TACR1: variants seen among roughly 807,000 people sequenced by gnomAD.
TACR1 encodes substance-P receptor.
Under a neutral mutation model 35.8 loss-of-function variants are expected in TACR1, and 25 were observed. That is an observed-to-expected ratio of 0.70 (90% confidence interval 0.51 to 0.98). The LOEUF (loss-of-function observed/expected upper bound fraction) is 0.98, where lower values mean the gene tolerates loss of function less well. Among genes scored for constraint, TACR1 ranks in the 50% least tolerant of loss-of-function variants. The probability of loss-of-function intolerance (pLI) is 0.00; values close to 1 mark genes in which losing one functional copy is unlikely to be tolerated. For synonymous variants in TACR1, 195 were observed against 206.7 expected (o/e 0.94, Z 0.48); for missense variants, 478 against 522.9 (o/e 0.91, Z 0.84).
At chr2:75,158,372 A>G (rs1394198850) in intron 1 of TACR1, among the ~76,000 whole-genome samples, 2 of 152,176 alleles carry the variant, frequency 1.3e-5, no homozygotes, top group East Asian at 3.8e-4. Flanking sequence ...ATGTATTCCC[A>G]GTGTCTGGCT....
intron 1 of TACR1, among the ~76,000 whole-genome samples, chr2:75,192,092 T>A (rs1410251735): frequency 6.6e-6 from 1 of 152,060 alleles, no homozygotes; most frequent in Non-Finnish European, 1.5e-5. Context: ...GACAGCAAGG[T>A]CACTAGGGAG....
At chr2:75,082,076 G>A (rs113927694) in intron 2 of TACR1, among the ~76,000 whole-genome samples, 10 of 151,548 alleles carry the variant, frequency 6.6e-5, no homozygotes, top group East Asian at 1.9e-4. Context: ...CCCACTCCCC[G>A]CACCCCACAA....
intron 2 of TACR1, among the ~76,000 whole-genome samples, chr2:75,079,892 A>G (rs1475009888): frequency 6.6e-6 from 1 of 152,154 alleles, no homozygotes; most frequent in Non-Finnish European, 1.5e-5. Flanking sequence ...AGAAAGAAAG[A>G]CTGCAGGTGG....
In TACR1 at chr2:75,198,790, C is replaced by T. The variant is rs142157446; in HGVS notation, c.145G>A (p.Gly49Ser). The change falls in exon 1 of 5, where the codon GGC (glycine) becomes AGC (serine). Residue 49 changes from glycine to serine, a missense_variant. Coordinates refer to ENST00000305249, the MANE Select transcript of TACR1 (RefSeq NM_001058.4). The stretch of plus-strand genomic sequence containing the variant: ...ATGATCCACATCACTACCACGTTGC[C>T]CACCACAGAGGTCACCACAATGACC... ...YTVIVVTSVVGNVVVMWIILA... is the reference protein window; with the variant it reads ...YTVIVVTSVVSNVVVMWIILA... 3.7e-6 allele frequency: 6 copies of T among 1,614,068 alleles called. No homozygotes were observed. The African/African-American group carries it at 6.7e-5, about 18-fold the overall frequency.
chr2:75,154,414 A>ACGCGCG (rs1558572302), intron 1 of TACR1: 8 of 81,198 alleles, frequency 9.9e-5, no homozygotes, highest in African/African-American at 3.6e-4. Flanking sequence ...GCGCACGCAC[A>ACGCGCG]CACACACACA....
At chr2:75,096,517 TA>T in intron 2 of TACR1, among the ~76,000 whole-genome samples, 1 of 152,212 alleles carries the variant, frequency 6.6e-6, no homozygotes, top group East Asian at 1.9e-4. Context: ...GTATTCTTAA[TA>T]TAAGATTGGA....
chr2:75,078,380 G>T (rs527741024), intron 2 of TACR1, among the ~76,000 whole-genome samples: 2 of 152,104 alleles, frequency 1.3e-5, no homozygotes, highest in African/African-American at 4.8e-5. Context: ...CCTCCTCACA[G>T]GAGGTTGTGA....
At chr2:75,195,460 A>G (rs1047172655) in intron 1 of TACR1, among the ~76,000 whole-genome samples, 2 of 150,874 alleles carry the variant, frequency 1.3e-5, no homozygotes, top group African/African-American at 2.4e-5. Context: ...TAGAAAGACT[A>G]CAGGAAACAT....
intron 2 of TACR1, among the ~76,000 whole-genome samples, chr2:75,115,035 A>G (rs1673822349): frequency 6.6e-6 from 1 of 152,112 alleles, no homozygotes; most frequent in South Asian, 2.1e-4. Context: ...GTCAGTTAAG[A>G]GAAACCACTG....
intron 1 of TACR1, among the ~76,000 whole-genome samples, chr2:75,148,010 TGCTGC>T (rs1225064125): frequency 6.6e-6 from 1 of 151,974 alleles, no homozygotes; most frequent in African/African-American, 2.4e-5. Context: ...CCTCCCAAAG[TGCTGC>T]GATTACAGTT....
intron 1 of TACR1, among the ~76,000 whole-genome samples, chr2:75,167,572 C>G (rs1021798755): frequency 1.1e-4 from 16 of 152,248 alleles, no homozygotes; most frequent in Admixed American, 1.3e-4. Flanking sequence ...GCCAAGACAT[C>G]CTTCTGGCAC....
At chr2:75,052,781 G>T (rs1672493519) in intron 3 of TACR1, among the ~76,000 whole-genome samples, 1 of 152,068 alleles carries the variant, frequency 6.6e-6, no homozygotes, top group South Asian at 2.1e-4. Flanking sequence ...GCGTGTGTGT[G>T]TGCAAGCTTG....
chr2:75,119,340 G>A (rs1391411326), intron 2 of TACR1, among the ~76,000 whole-genome samples: 4 of 152,170 alleles, frequency 2.6e-5, no homozygotes, highest in Non-Finnish European at 4.4e-5. Flanking sequence ...AACGAGGAGA[G>A]GCTGTGACCC....
chr2:75,109,599 G>A, intron 2 of TACR1, among the ~76,000 whole-genome samples: 1 of 152,166 alleles, frequency 6.6e-6, no homozygotes, highest in East Asian at 1.9e-4. Flanking sequence ...TTTTAAACGA[G>A]ATTTGAGGCT....
chr2:75,094,593 G>C (rs1673374712), intron 2 of TACR1, among the ~76,000 whole-genome samples: 1 of 151,946 alleles, frequency 6.6e-6, no homozygotes, highest in Non-Finnish European at 1.5e-5. Context: ...GGCAGTGGTT[G>C]CATTGGTGGT....
intron 1 of TACR1, among the ~76,000 whole-genome samples, chr2:75,157,280 C>A (rs1485349633): frequency 6.6e-6 from 1 of 152,110 alleles, no homozygotes; most frequent in Non-Finnish European, 1.5e-5. Context: ...CTTTCATTTT[C>A]CTTACTACCA....
intron 2 of TACR1, among the ~76,000 whole-genome samples, chr2:75,073,664 G>T (rs1390827421): frequency 6.6e-6 from 1 of 152,210 alleles, no homozygotes; most frequent in Non-Finnish European, 1.5e-5. Flanking sequence ...GTGGGTCTGG[G>T]GGGAGGTGGG....
At position 75,182,754 on chromosome 2, in the gene TACR1, G is replaced by A. The variant is rs114079377; in HGVS notation, c.389+15792C>T. Among the ~76,000 whole-genome samples the A allele has an allele frequency of 2.6e-3, 392 of 152,192 alleles. 1 individual carries two copies. The highest frequency in any genetic ancestry group is 9.0e-3 in the African/African-American group (372 of 41,520). On this transcript the variant is annotated intron_variant, in intron 1 of 4. Coordinates refer to ENST00000305249, the MANE Select transcript of TACR1 (RefSeq NM_001058.4). ...ATTCTATATATAGCCCAAGTGTATC[G>A]TAGGCTATACCATCTAGATTTGTGT...
At chr2:75,085,252 C>T (rs1434757113) in intron 2 of TACR1, among the ~76,000 whole-genome samples, 1 of 152,046 alleles carries the variant, frequency 6.6e-6, no homozygotes, top group Non-Finnish European at 1.5e-5. Flanking sequence ...TTACTCCAAC[C>T]AATCAACACC....
Sources: gnomAD v4.1 joint callset for allele counts (sites outside exome capture counted in the v4.1 genomes callset) on GRCh38, gnomAD v4.1.1 for gene constraint, MANE v1.5 for transcripts, NCBI Gene and HGNC (gene_info 2026-07-23, HGNC 2026-07-21) for gene names.